GAS7: variants seen among roughly 807,000 people sequenced by gnomAD.
GAS7 encodes growth arrest-specific protein 7.
Under a neutral mutation model 71.1 loss-of-function variants are expected in GAS7, and 28 were observed. That is an observed-to-expected ratio of 0.39 (90% CI 0.29 to 0.54). GAS7 has a LOEUF of 0.54. GAS7 is among the 20% of genes least tolerant of loss of function. The probability of loss-of-function intolerance (pLI) is 0.62; values close to 1 mark genes in which losing one functional copy is unlikely to be tolerated. For synonymous variants in GAS7, 258 were observed against 245.8 expected, an observed-to-expected ratio of 1.05 and a Z score of -0.46; for missense variants, 436 against 627.8, an observed-to-expected ratio of 0.69 and a Z score of 3.27.
At chr17:10,076,130 G>A (rs1313104968) in intron 1 of GAS7, among the ~76,000 whole-genome samples, 3 of 134,296 alleles carry the variant, frequency 2.2e-5, no homozygotes, top group Non-Finnish European at 4.8e-5. Context: ...GAAAGGGAAA[G>A]GGAAAACGAA....
intron 1 of GAS7, among the ~76,000 whole-genome samples, chr17:10,080,293 T>C (rs1382664188): frequency 6.6e-6 from 1 of 152,196 alleles, no homozygotes; most frequent in Non-Finnish European, 1.5e-5. Context: ...TTACCCTATA[T>C]GGTCTATAAA....
intron 5 of GAS7, among the ~76,000 whole-genome samples, chr17:9,957,381 C>A (rs1046357067): frequency 6.6e-6 from 1 of 152,198 alleles, no homozygotes; most frequent in Non-Finnish European, 1.5e-5. Context: ...AGGGGCCCAA[C>A]AAGGGCCGCC....
chr17:10,066,813 C>T (rs181538067), intron 1 of GAS7, among the ~76,000 whole-genome samples: 35 of 152,162 alleles, frequency 2.3e-4, no homozygotes, highest in African/African-American at 7.5e-4. Flanking sequence ...TCAGGGGGAG[C>T]ATTTCTAGGT....
rs961730791 is a variant in GAS7 at position 10,034,178 on chromosome 17, C to T, written c.184-14281G>A. The stretch of plus-strand genomic sequence containing the variant: ...GGAGCTGGTAAAGCTGCAGCAGTCT[C>T]GCTGGCAGATCTTGAGCAACCTCTT... On this transcript the variant is annotated intron_variant, in intron 1 of 13. Transcript: ENST00000432992. The surrounding 1 kb of genome is among the most constrained non-coding windows in gnomAD (Gnocchi z 4.4). 6 of 984,906 alleles carry T rather than the reference C, an allele frequency of 6.1e-6. No individual in the cohort carries two copies. Among genetic ancestry groups the T allele is most frequent in the African/African-American group, 3.5e-5 (2 of 57,204 alleles). The allele number at this position is 984,906 out of a possible 1,614,324, so 61.0% of individuals were successfully genotyped here. A position where few individuals can be genotyped will look rare whatever the true frequency, so the allele number is the denominator to read the frequency against.
intron 1 of GAS7, among the ~76,000 whole-genome samples, chr17:10,145,414 C>T (rs72809390): frequency 3.9e-4 from 59 of 152,218 alleles, no homozygotes; most frequent in African/African-American, 1.3e-3. Flanking sequence ...GTGTAAGACC[C>T]GAAGAGCTCT....
chr17:9,996,593 ATG>A (rs10598229), intron 2 of GAS7, among the ~76,000 whole-genome samples: 57,645 of 146,650 alleles, frequency 0.39, 12,438 homozygotes, highest in African/African-American at 0.58. Context: ...CTATATATAT[ATG>A]TGTGTGTGTG....
chr17:10,134,282 C>A (rs1038281351), intron 1 of GAS7, among the ~76,000 whole-genome samples: 1 of 152,118 alleles, frequency 6.6e-6, no homozygotes, highest in South Asian at 2.1e-4. Context: ...CCGCCCGCCT[C>A]GGCCTCCCAA....
intron 4 of GAS7, among the ~76,000 whole-genome samples, chr17:9,961,060 G>T (rs2152114120): frequency 6.6e-6 from 1 of 152,250 alleles, no homozygotes; most frequent in African/African-American, 2.4e-5. Flanking sequence ...CCCAGGTGGT[G>T]CCAGCACCTC....
intron 11 of GAS7, among the ~76,000 whole-genome samples, 171 bp downstream of exon 11, chr17:9,925,305 G>A (rs1208546067): frequency 1.3e-5 from 2 of 152,206 alleles, no homozygotes; most frequent in Non-Finnish European, 2.9e-5. Flanking sequence ...ATCTCTGGGT[G>A]TGGGTCAGAG....
intron 1 of GAS7, among the ~76,000 whole-genome samples, chr17:10,112,892 G>A (rs9904700): frequency 0.29 from 43,984 of 151,940 alleles, 6,478 homozygotes; most frequent in African/African-American, 0.32. Flanking sequence ...GAGTCCAGTA[G>A]TGTCATCACA....
chr17:10,154,159 T>A (rs1007082994), intron 1 of GAS7, among the ~76,000 whole-genome samples: 2 of 152,148 alleles, frequency 1.3e-5, no homozygotes, highest in African/African-American at 4.8e-5. Context: ...GCTGGTTAAC[T>A]GTAGTCTTTG....
chr17:9,928,544 C>T (rs1374704457), intron 9 of GAS7, among the ~76,000 whole-genome samples: 1 of 152,156 alleles, frequency 6.6e-6, no homozygotes, highest in Non-Finnish European at 1.5e-5. Context: ...CAACCTATGA[C>T]CACCCCACCA....
intron 1 of GAS7, among the ~76,000 whole-genome samples, chr17:10,042,718 G>C (rs1304084396): frequency 6.6e-6 from 1 of 152,214 alleles, no homozygotes; most frequent in Admixed American, 6.5e-5. Context: ...GGATGGTACA[G>C]GGAGGCTTCC....
At chr17:9,939,144 T>C (rs1212869105) in intron 8 of GAS7, among the ~76,000 whole-genome samples, 1 of 152,240 alleles carries the variant, frequency 6.6e-6, no homozygotes, top group Non-Finnish European at 1.5e-5. Flanking sequence ...TCAGTTTTTT[T>C]GGGTATAAGC....
At chr17:10,178,436 CG>C (rs1187766303) in intron 1 of GAS7, among the ~76,000 whole-genome samples, 1 of 152,036 alleles carries the variant, frequency 6.6e-6, no homozygotes, top group Non-Finnish European at 1.5e-5. Context: ...ATGTCCACTC[CG>C]GCTATTTTCT....
At position 10,036,378 on chromosome 17, in the gene GAS7, T is replaced by G; in HGVS notation, c.184-16481A>C. The G allele has an allele frequency of 2.2e-6, 3 of 1,348,570 alleles. No homozygotes were observed. In the South Asian group the frequency reaches 3.5e-5, roughly 16 times the overall value. 83.5% of individuals were successfully genotyped at this position (1,348,570 alleles called of 1,614,324 possible). On this transcript the variant is annotated intron_variant, in intron 1 of 13. Transcript: ENST00000432992. The stretch of plus-strand genomic sequence containing the variant: ...CCATGGCACAGTCATTTTAGAAACA[T>G]GCAGAGAAAAGCAAACTGGAGCATA...
intron 1 of GAS7, among the ~76,000 whole-genome samples, chr17:10,196,922 G>A (rs2074545046): frequency 1.3e-5 from 2 of 152,138 alleles, no homozygotes; most frequent in Non-Finnish European, 2.9e-5. Flanking sequence ...GGGTATCTCC[G>A]GATTCTCCAG....
intron 2 of GAS7, among the ~76,000 whole-genome samples, chr17:9,982,644 G>A (rs984872225): frequency 3.6e-4 from 55 of 151,970 alleles, no homozygotes; most frequent in African/African-American, 1.3e-3. Context: ...AGGCGTGGTG[G>A]CACGTGCCTG....
chr17:10,027,421 C>T (rs1204174654), intron 1 of GAS7, among the ~76,000 whole-genome samples: 1 of 152,208 alleles, frequency 6.6e-6, no homozygotes, highest in Non-Finnish European at 1.5e-5. Flanking sequence ...ATTGAATGGA[C>T]TCTGCTATGG....
Sources: allele counts gnomAD v4.1 joint callset (sites outside exome capture counted in the v4.1 genomes callset), GRCh38; gene constraint gnomAD v4.1.1; non-coding constraint Gnocchi (gnomAD v3.1); transcripts MANE v1.5; gene names NCBI Gene and HGNC (gene_info 2026-07-23, HGNC 2026-07-21).